NR3C1: variants seen among roughly 807,000 people sequenced by gnomAD.
The protein encoded by NR3C1 is nuclear receptor subfamily 3 group C member 1, also known as glucocorticoid receptor.
A neutral mutation model predicts 74.0 loss-of-function variants in NR3C1; 14 were observed. That is an observed-to-expected ratio of 0.19 (90% confidence interval 0.12 to 0.30). The LOEUF (loss-of-function observed/expected upper bound fraction) is 0.30, where lower values mean the gene tolerates loss of function less well. Ranked by LOEUF, NR3C1 falls within the 10% of genes least tolerant of loss-of-function variation. The pLI is 1.00. For missense variants in NR3C1, 695 were observed against 909.8 expected, an observed-to-expected ratio of 0.76 and a Z score of 3.04; for synonymous variants, 308 against 332.5, an observed-to-expected ratio of 0.93 and a Z score of 0.80.
chr5:143,405,443 T>TCGCCAGCC, upstream of NR3C1: 5 of 781,276 alleles, frequency 6.4e-6, no homozygotes, highest in Non-Finnish European at 7.8e-6. Context: ...GGGTACAGTG[T>TCGCCAGCC]CGCCAGCCCG....
At chr5:143,293,709 C>G (rs1816463207) in intron 7 of NR3C1, among the ~76,000 whole-genome samples, 1 of 151,916 alleles carries the variant, frequency 6.6e-6, no homozygotes, top group African/African-American at 2.4e-5. Context: ...TATACCTATT[C>G]CAGTAGTCTA....
chr5:143,325,954 A>G (rs1824512551), intron 2 of NR3C1, among the ~76,000 whole-genome samples: 1 of 152,262 alleles, frequency 6.6e-6, no homozygotes, highest in African/African-American at 2.4e-5. Context: ...AGTTTTCAGT[A>G]GGTGAAACAA....
chr5:143,371,714 T>C (rs1297019330), intron 2 of NR3C1, among the ~76,000 whole-genome samples: 2 of 152,252 alleles, frequency 1.3e-5, no homozygotes, highest in African/African-American at 4.8e-5. Context: ...TGGTAGATGA[T>C]ACCTTTCTTT....
At position 143,298,669 on chromosome 5, in the gene NR3C1, C is replaced by T; in HGVS notation, c.1891G>A (p.Glu631Lys). ...GAAAATGACACACATACAACTTACT[C>T]ATTAATAATCAGATCAGGAGCAAAA... Reference protein sequence around the residue: ...LCFAPDLIINEQRMTLPCMYD... With the variant: ...LCFAPDLIINKQRMTLPCMYD... Residue 631 changes from glutamate to lysine, a missense_variant and splice_region_variant, in exon 6 of 9, where the codon GAG becomes AAG. This residue lies in a region of NR3C1 where 133 missense variants were observed against 287.9 expected (regional missense o/e 0.46). Coordinates refer to ENST00000394464, the MANE Select transcript of NR3C1 (RefSeq NM_000176.3). 6.2e-7 allele frequency: 1 copy of T among 1,613,008 alleles called. No homozygotes were observed. Among genetic ancestry groups the T allele is most frequent in the Non-Finnish European group, 8.5e-7 (1 of 1,179,466 alleles).
At chr5:143,374,165 C>A (rs1834729833) in intron 2 of NR3C1, among the ~76,000 whole-genome samples, 1 of 152,070 alleles carries the variant, frequency 6.6e-6, no homozygotes, top group Non-Finnish European at 1.5e-5. Flanking sequence ...GAATGTTTTA[C>A]AGTGGAGCAA....
chr5:143,303,131 A>G (rs1561514924), intron 4 of NR3C1, among the ~76,000 whole-genome samples: 1 of 151,746 alleles, frequency 6.6e-6, no homozygotes, highest in Non-Finnish European at 1.5e-5. Flanking sequence ...AGTGAAAAAG[A>G]TCTTCACACT....
At chr5:143,324,803 C>T (rs1011207463) in intron 2 of NR3C1, among the ~76,000 whole-genome samples, 2 of 152,202 alleles carry the variant, frequency 1.3e-5, no homozygotes, top group Non-Finnish European at 2.9e-5. Flanking sequence ...ATTTCTTCCA[C>T]CAGATACCCT....
At chr5:143,380,496 GA>G (rs752774718) in intron 2 of NR3C1, among the ~76,000 whole-genome samples, 12 of 152,028 alleles carry the variant, frequency 7.9e-5, no homozygotes, top group African/African-American at 2.9e-4. Context: ...AGTAACTGGA[GA>G]AAAAAAGCAA....
chr5:143,283,975 G>T lies in NR3C1; in HGVS notation c.2024-1250C>A, dbSNP rs79674616. On this transcript the variant is annotated intron_variant, in intron 7 of 8. Transcript: ENST00000394464. Reference sequence around the variant, plus strand: ...TATAACTGTGCACTCTCCAGAGAGGGGAAATGCATTATTTCCCAAACTGAA... The same window carrying T: ...TATAACTGTGCACTCTCCAGAGAGGTGAAATGCATTATTTCCCAAACTGAA... 1.0e-3 allele frequency among the ~76,000 whole-genome samples: 155 copies of T among 152,248 alleles called. 3 individuals are homozygous for T. The East Asian group carries it at 0.022, about 22-fold the overall frequency.
At chr5:143,289,212 G>C (rs1471630178) in intron 7 of NR3C1, among the ~76,000 whole-genome samples, 2 of 152,144 alleles carry the variant, frequency 1.3e-5, no homozygotes, top group African/African-American at 4.8e-5. Flanking sequence ...AATCAAGACA[G>C]GGTGTTATCA....
intron 2 of NR3C1, among the ~76,000 whole-genome samples, chr5:143,392,094 T>C (rs1838339973): frequency 6.6e-6 from 1 of 151,966 alleles, no homozygotes; most frequent in Non-Finnish European, 1.5e-5. Flanking sequence ...GGCTCCCGAG[T>C]AGCTGGGACT....
intron 2 of NR3C1, among the ~76,000 whole-genome samples, chr5:143,326,738 C>T (rs192499651): frequency 1.3e-5 from 2 of 152,206 alleles, no homozygotes; most frequent in East Asian, 1.9e-4. Context: ...AAGCATTTCC[C>T]AAACCATAGT....
At chr5:143,435,488 G>A (rs898759893) in exon 1 of NR3C1, 6 of 985,502 alleles carry the variant, frequency 6.1e-6, no homozygotes, top group Non-Finnish European at 7.2e-6. Context: ...TTTGAATGGG[G>A]TGAAAGCAAA....
intron 2 of NR3C1, among the ~76,000 whole-genome samples, chr5:143,344,859 C>G (rs909234497): frequency 3.3e-5 from 5 of 152,028 alleles, no homozygotes; most frequent in African/African-American, 1.2e-4. Flanking sequence ...GCCTGGGTGA[C>G]AGAGTGAGAC....
chr5:143,315,598 TCTTG>T (rs1821911105), intron 2 of NR3C1, among the ~76,000 whole-genome samples: 3 of 152,164 alleles, frequency 2.0e-5, no homozygotes. Flanking sequence ...CTTTATTATC[TCTTG>T]CTTTTATTTA....
chr5:143,372,915 C>T (rs61752263), intron 2 of NR3C1, among the ~76,000 whole-genome samples: 15,251 of 152,184 alleles, frequency 0.1, 1,101 homozygotes, highest in Non-Finnish European at 0.15. Context: ...AACTTTGCAA[C>T]CAATGTTTAT....
intron 2 of NR3C1, among the ~76,000 whole-genome samples, chr5:143,341,260 A>C (rs974702319): frequency 1.3e-5 from 2 of 152,248 alleles, no homozygotes; most frequent in Non-Finnish European, 2.9e-5. Context: ...CAAAAGGCTT[A>C]GTAGGATCTG....
upstream of NR3C1, chr5:143,405,334 C>T (rs1032910464): frequency 6.1e-6 from 6 of 985,508 alleles, no homozygotes; most frequent in African/African-American, 8.7e-5. Flanking sequence ...ACTCTCTCAC[C>T]TCCCGCCGCG....
intron 2 of NR3C1, among the ~76,000 whole-genome samples, chr5:143,374,532 G>A (rs1374759459): frequency 1.3e-5 from 2 of 151,772 alleles, no homozygotes; most frequent in Admixed American, 6.6e-5. Flanking sequence ...ACATGATCAG[G>A]TGGGTGATCA....
Sources: allele counts gnomAD v4.1 joint callset (sites outside exome capture counted in the v4.1 genomes callset), GRCh38; gene constraint gnomAD v4.1.1; regional missense constraint gnomAD v4.1.1; transcripts MANE v1.5; gene names NCBI Gene and HGNC (gene_info 2026-07-23, HGNC 2026-07-21).